The following SLC24A2 variants were observed in gnomAD, a reference collection of about 807,000 sequenced individuals.
SLC24A2 encodes the protein solute carrier family 24 member 2.
In SLC24A2, 36 loss-of-function variants were observed where a neutral mutation model predicts 62.0. The observed-to-expected ratio is 0.58, with a 90% CI of 0.44 to 0.77. SLC24A2 has a LOEUF of 0.77. SLC24A2 is among the 30% of genes least tolerant of loss of function. SLC24A2 has a pLI of 0.00. For synonymous variants in SLC24A2, 358 were observed against 294.0 expected, an observed-to-expected ratio of 1.22 and a Z score of -2.23; for missense variants, 846 against 817.9, an observed-to-expected ratio of 1.03 and a Z score of -0.42.
chr9:20,132,752 A>G, the SLC24A2 span, among the ~76,000 whole-genome samples: 1 of 152,138 alleles, frequency 6.6e-6, no homozygotes, highest in Non-Finnish European at 1.5e-5. Flanking sequence ...CTAAAATTAT[A>G]AATGCTAAAA....
the SLC24A2 span, among the ~76,000 whole-genome samples, chr9:19,795,080 T>C: frequency 6.6e-6 from 1 of 152,184 alleles, no homozygotes; most frequent in Non-Finnish European, 1.5e-5. Flanking sequence ...AAAATACTTG[T>C]TTTATTCAAT....
the SLC24A2 span, among the ~76,000 whole-genome samples, chr9:20,178,930 C>T: frequency 1.3e-5 from 2 of 152,162 alleles, no homozygotes; most frequent in Non-Finnish European, 2.9e-5. Flanking sequence ...CACCATACTA[C>T]TATGACTCCA....
the SLC24A2 span, among the ~76,000 whole-genome samples, chr9:20,230,063 T>A: frequency 2.0e-5 from 3 of 152,312 alleles, no homozygotes; most frequent in South Asian, 6.2e-4. Flanking sequence ...GGACATGAAC[T>A]CATCATTTTT....
At chr9:20,105,078 A>G in the SLC24A2 span, among the ~76,000 whole-genome samples, 3 of 152,226 alleles carry the variant, frequency 2.0e-5, no homozygotes, top group Non-Finnish European at 2.9e-5. Flanking sequence ...CTTTAAACCA[A>G]CAAAGATCAA....
chr9:20,072,846 C>T, the SLC24A2 span, among the ~76,000 whole-genome samples: 11 of 151,990 alleles, frequency 7.2e-5, no homozygotes, highest in Admixed American at 2.6e-4. Context: ...GAAGCAGACC[C>T]GCTAATACAT....
chr9:19,682,677 A>G (rs1346145583), intron 2 of SLC24A2, among the ~76,000 whole-genome samples: 1 of 152,204 alleles, frequency 6.6e-6, no homozygotes, highest in Admixed American at 6.6e-5. Context: ...CTCTAAATAC[A>G]CAAACGTACT....
At chr9:20,224,976 T>G in the SLC24A2 span, among the ~76,000 whole-genome samples, 2 of 151,974 alleles carry the variant, frequency 1.3e-5, no homozygotes, top group Non-Finnish European at 2.9e-5. Context: ...GGTATGAAAG[T>G]CAGGGGCCCC....
intron 5 of SLC24A2, among the ~76,000 whole-genome samples, chr9:19,580,978 T>A (rs549639406): frequency 6.6e-5 from 10 of 152,190 alleles, no homozygotes; most frequent in Non-Finnish European, 1.2e-4. Flanking sequence ...TGAGAAAATA[T>A]GTGTAAAGGG....
At chr9:20,296,054 A>C in the SLC24A2 span, among the ~76,000 whole-genome samples, 1 of 152,322 alleles carries the variant, frequency 6.6e-6, no homozygotes, top group Non-Finnish European at 1.5e-5. Flanking sequence ...CCTCTAATTT[A>C]ATTGTGTGAG....
the SLC24A2 span, among the ~76,000 whole-genome samples, chr9:20,194,404 T>C: frequency 6.6e-6 from 1 of 152,130 alleles, no homozygotes; most frequent in Admixed American, 6.6e-5. Flanking sequence ...CCAAGATTAC[T>C]GTACACATTC....
chr9:20,213,140 T>C, the SLC24A2 span, among the ~76,000 whole-genome samples: 2 of 151,914 alleles, frequency 1.3e-5, no homozygotes, highest in South Asian at 2.1e-4. Flanking sequence ...TTTACCTATG[T>C]AGCAAACCCT....
chr9:19,886,051 A>C, the SLC24A2 span, among the ~76,000 whole-genome samples: 4 of 152,324 alleles, frequency 2.6e-5, no homozygotes, highest in East Asian at 7.7e-4. Context: ...TAGTGCTGCG[A>C]GGAACATATG....
chr9:20,190,356 C>G, the SLC24A2 span, among the ~76,000 whole-genome samples: 1 of 152,016 alleles, frequency 6.6e-6, no homozygotes, highest in African/African-American at 2.4e-5. Flanking sequence ...CTTTGTCCTA[C>G]CAAATTAATA....
chr9:20,058,635 G>C, the SLC24A2 span, among the ~76,000 whole-genome samples: 1 of 152,018 alleles, frequency 6.6e-6, no homozygotes, highest in Non-Finnish European at 1.5e-5. Flanking sequence ...TCAAATACAG[G>C]CTGCATGTAG....
the SLC24A2 span, among the ~76,000 whole-genome samples, chr9:20,001,632 A>G: frequency 0.011 from 1,749 of 152,252 alleles, 24 homozygotes; most frequent in African/African-American, 0.039. Context: ...TCTCTATTCC[A>G]TGTCATCCGC....
the SLC24A2 span, among the ~76,000 whole-genome samples, chr9:20,151,702 T>A: frequency 1.3e-5 from 2 of 151,866 alleles, no homozygotes; most frequent in Non-Finnish European, 2.9e-5. Flanking sequence ...GTGGGGAATG[T>A]CACCAGTCTC....
the SLC24A2 span, among the ~76,000 whole-genome samples, chr9:19,823,355 T>A: frequency 1.3e-5 from 2 of 151,976 alleles, no homozygotes; most frequent in African/African-American, 4.8e-5. Flanking sequence ...TTTTGAACCC[T>A]TTAAGAAAAA....
the SLC24A2 span, among the ~76,000 whole-genome samples, chr9:20,230,549 T>G: frequency 2.0e-5 from 3 of 152,176 alleles, no homozygotes; most frequent in Non-Finnish European, 4.4e-5. Flanking sequence ...GTAGTGTCTG[T>G]TCATATCCTT....
rs375656388 is a variant in SLC24A2 at position 19,573,454 on chromosome 9, G to C, written c.1244C>G (p.Pro415Arg). 26 of 1,597,140 alleles carry C rather than the reference G, an allele frequency of 1.6e-5. No individual in the cohort carries two copies. Among genetic ancestry groups the C allele is most frequent in the Non-Finnish European group, 2.0e-5 (24 of 1,170,746 alleles). The change falls in exon 7 of 11, where the codon CCA becomes CGA. Residue 415 changes from proline (P) to arginine (R), a missense_variant. Coordinates refer to ENST00000341998, the MANE Select transcript of SLC24A2 (RefSeq NM_020344.4). ...AANHVEKIELPNSTSTDVEMT... is the reference protein window; with the variant it reads ...AANHVEKIELRNSTSTDVEMT... Reference sequence around the variant, plus strand: ...TTCAACATCTGTGCTGGTGCTGTTTGGAAGCTCAATTTTTTCTGTGATATA... The same window carrying C: ...TTCAACATCTGTGCTGGTGCTGTTTCGAAGCTCAATTTTTTCTGTGATATA...
Sources: allele counts gnomAD v4.1 joint callset (sites outside exome capture counted in the v4.1 genomes callset), GRCh38; gene constraint gnomAD v4.1.1; transcripts MANE v1.5; gene names NCBI Gene and HGNC (gene_info 2026-07-23, HGNC 2026-07-21).